The following PDZD2 variants were observed in gnomAD, a reference collection of about 807,000 sequenced individuals.
PDZD2 encodes the protein PDZ domain-containing protein 2.
In PDZD2, 90 loss-of-function variants were observed where a neutral mutation model predicts 220.7. The ratio of observed to expected loss-of-function variants is 0.41; its 90% CI spans 0.34 to 0.49. The LOEUF is 0.49. Among genes scored for constraint, PDZD2 ranks in the 20% least tolerant of loss-of-function variants. The probability of loss-of-function intolerance (pLI) is 0.28; values close to 1 mark genes in which losing one functional copy is unlikely to be tolerated. For missense variants in PDZD2, 3,174 were observed against 3,608.5 expected (o/e 0.88, Z 3.08); for synonymous variants, 1,375 against 1,450.5 (o/e 0.95, Z 1.18).
chr5:32,003,804 C>T (rs1266645168), intron 5 of PDZD2, among the ~76,000 whole-genome samples: 9 of 152,102 alleles, frequency 5.9e-5, no homozygotes, highest in African/African-American at 9.7e-5. Context: ...CTCTGCGTCC[C>T]GAGTTCAAGC....
chr5:32,043,833 G>A (rs1339479239), intron 7 of PDZD2, among the ~76,000 whole-genome samples: 6 of 151,958 alleles, frequency 3.9e-5, no homozygotes, highest in Non-Finnish European at 7.4e-5. Context: ...CACTGCGTTG[G>A]CCAGGCTGGT....
intron 1 of PDZD2, among the ~76,000 whole-genome samples, chr5:31,700,930 A>C (rs754230880): frequency 1.3e-5 from 2 of 152,212 alleles, no homozygotes; most frequent in Non-Finnish European, 2.9e-5. Context: ...GTGGGCTCCC[A>C]TCTCCTGGGG....
At chr5:31,822,838 G>T in intron 2 of PDZD2, 1 of 805,490 alleles carries the variant, frequency 1.2e-6, no homozygotes, top group Non-Finnish European at 2.1e-6. Context: ...GATGTTGATG[G>T]GGAAGTGCAC....
chr5:31,918,528 C>A (rs142058897), intron 2 of PDZD2, among the ~76,000 whole-genome samples: 1 of 152,196 alleles, frequency 6.6e-6, no homozygotes, highest in African/African-American at 2.4e-5. Flanking sequence ...GAAAAAGACA[C>A]CTGGTGTTCT....
chr5:31,671,699 C>T (rs931349282), intron 1 of PDZD2, among the ~76,000 whole-genome samples: 1 of 152,190 alleles, frequency 6.6e-6, no homozygotes, highest in Non-Finnish European at 1.5e-5. Flanking sequence ...CAGGCACCCG[C>T]GGCCTCCACT....
chr5:31,695,452 CACTT>C (rs1747340032), intron 1 of PDZD2, among the ~76,000 whole-genome samples: 1 of 152,348 alleles, frequency 6.6e-6, no homozygotes, highest in African/African-American at 2.4e-5. Context: ...AGCTCAGTTT[CACTT>C]ACTTCAGTGT....
intron 1 of PDZD2, among the ~76,000 whole-genome samples, chr5:31,736,900 A>G (rs909483466): frequency 4.6e-5 from 7 of 152,080 alleles, no homozygotes; most frequent in East Asian, 1.9e-4. Flanking sequence ...CCTCCCCCCA[A>G]TTCTCTTTCC....
At chr5:32,024,613 G>T (rs187934195) in intron 6 of PDZD2, among the ~76,000 whole-genome samples, 44 of 151,822 alleles carry the variant, frequency 2.9e-4, no homozygotes, top group South Asian at 1.0e-3. Flanking sequence ...AATCCGGGAG[G>T]TGGAGGTTGC....
At chr5:32,047,262 G>C (rs1738066430) in intron 7 of PDZD2, among the ~76,000 whole-genome samples, 1 of 152,140 alleles carries the variant, frequency 6.6e-6, no homozygotes, top group Non-Finnish European at 1.5e-5. Flanking sequence ...ATATTTTCCA[G>C]AATAGCCAAA....
chr5:31,800,701 C>G (rs1754341664), intron 2 of PDZD2, among the ~76,000 whole-genome samples: 1 of 152,214 alleles, frequency 6.6e-6, no homozygotes, highest in Non-Finnish European at 1.5e-5. Context: ...TAACCCTTCA[C>G]TACACATCAG....
intron 1 of PDZD2, among the ~76,000 whole-genome samples, chr5:31,718,446 G>C (rs574879036): frequency 3.4e-4 from 52 of 152,312 alleles, no homozygotes; most frequent in African/African-American, 1.2e-3. Context: ...CCATAACAAA[G>C]TACCACAGGC....
intron 17 of PDZD2, among the ~76,000 whole-genome samples, chr5:32,073,111 TG>T (rs1740915428): frequency 6.6e-6 from 1 of 152,228 alleles, no homozygotes; most frequent in African/African-American, 2.4e-5. Flanking sequence ...TTCTTTCTGC[TG>T]GTGAGGTTTC....
intron 19 of PDZD2, among the ~76,000 whole-genome samples, chr5:32,081,018 A>G (rs1004807804): frequency 3.3e-5 from 5 of 151,830 alleles, no homozygotes; most frequent in African/African-American, 4.8e-5. Flanking sequence ...GCAAACCACC[A>G]TGGCACACAT....
At chr5:32,046,747 A>C (rs984860438) in intron 7 of PDZD2, among the ~76,000 whole-genome samples, 1 of 152,210 alleles carries the variant, frequency 6.6e-6, no homozygotes, top group East Asian at 1.9e-4. Context: ...TTACATTAAA[A>C]ATTTGAAAAA....
chr5:31,646,750 A>G lies in PDZD2; in HGVS notation c.-361+7313A>G, dbSNP rs805231. ...ATATTATTACAAAACCACTCAGCAT[A>G]CAAAATTGGCATAGCTTTCCTCCAC... On this transcript the variant is annotated intron_variant, in intron 1 of 24. Transcript: ENST00000438447. This position sits in a 1 kb window ranked among gnomAD's most constrained non-coding sequence, Gnocchi z 4.7. Among the ~76,000 whole-genome samples, 42,405 of 152,008 alleles carry G rather than the reference A, an allele frequency of 0.28. 6,499 individuals carry two copies. Among genetic ancestry groups the G allele is most frequent in the Middle Eastern group, 0.36 (106 of 294 alleles).
rs182531438 is a variant in PDZD2, at chr5:31,712,895, G to A, written c.-361+73458G>A. On this transcript the variant is annotated intron_variant, in intron 1 of 24. Transcript: ENST00000438447. The stretch of plus-strand genomic sequence containing the variant: ...TGTGCAAGGGTGTCAGCCTAACTGT[G>A]CCAGAAGATCAAAACTCCTGACTGC... Among the ~76,000 whole-genome samples the A allele has an allele frequency of 1.1e-4, 16 of 152,312 alleles. No homozygotes were observed. In the East Asian group the frequency reaches 2.9e-3, roughly 28 times the overall value.
intron 2 of PDZD2, among the ~76,000 whole-genome samples, chr5:31,982,293 C>T (rs1750359268): frequency 6.6e-6 from 1 of 152,168 alleles, no homozygotes; most frequent in South Asian, 2.1e-4. Flanking sequence ...GCCTACTTAG[C>T]CAGTTGCCTG....
intron 1 of PDZD2, among the ~76,000 whole-genome samples, chr5:31,787,285 G>A (rs922925104): frequency 6.6e-6 from 1 of 152,182 alleles, no homozygotes; most frequent in South Asian, 2.1e-4. Context: ...TCCTCAATTA[G>A]TATGCTCTTT....
chr5:31,823,026 G>T, intron 2 of PDZD2: 3 of 1,177,146 alleles, frequency 2.5e-6, no homozygotes, highest in Middle Eastern at 3.0e-4. Flanking sequence ...TGTGATTGAA[G>T]TCCCTCCGCA....
Sources: allele counts gnomAD v4.1 joint callset (sites outside exome capture counted in the v4.1 genomes callset), GRCh38; gene constraint gnomAD v4.1.1; non-coding constraint Gnocchi (gnomAD v3.1); transcripts MANE v1.5; gene names NCBI Gene and HGNC (gene_info 2026-07-23, HGNC 2026-07-21).